The following ZDHHC14 variants were observed in gnomAD, a reference collection of about 807,000 sequenced individuals.
ZDHHC14 encodes palmitoyltransferase ZDHHC14.
ZDHHC14 carries 16 observed loss-of-function variants against 47.7 expected under a neutral mutation model. The observed-to-expected ratio is 0.34, with a 90% CI of 0.23 to 0.51. ZDHHC14 has a LOEUF of 0.51. Ranked by LOEUF, ZDHHC14 falls within the 20% of genes least tolerant of loss-of-function variation. The pLI, the probability that ZDHHC14 is intolerant of heterozygous loss-of-function variation, is 0.97. For synonymous variants in ZDHHC14, 293 were observed against 278.9 expected (o/e 1.05, Z -0.50); for missense variants, 515 against 662.5 (o/e 0.78, Z 2.44).
intron 2 of ZDHHC14, 136 bp downstream of exon 2, chr6:157,542,881 G>C (rs1781826481): frequency 1.8e-6 from 2 of 1,110,290 alleles, no homozygotes; most frequent in Admixed American, 5.6e-5. Flanking sequence ...GCGTTCCTTA[G>C]CTCGCTGGGT....
At chr6:157,413,902 C>T (rs1464847903) in intron 1 of ZDHHC14, among the ~76,000 whole-genome samples, 1 of 141,450 alleles carries the variant, frequency 7.1e-6, no homozygotes, top group Middle Eastern at 3.5e-3. Flanking sequence ...GCGCAGGTCA[C>T]CCAGCACATT....
chr6:157,381,873 A>T lies in ZDHHC14; in HGVS notation c.-149A>T, dbSNP rs1424407219. ...AGGGTTAACCTGGGTGTCCTCGGCA[A>T]AGTTGTCGCCGAGCCGGGAGCCCGT... On this transcript the variant is annotated 5_prime_UTR_variant, in exon 1 of 9. It introduces an in-frame stop codon into an upstream open reading frame of the 5' UTR. Coordinates refer to ENST00000359775, the MANE Select transcript of ZDHHC14 (RefSeq NM_024630.3). 1 of 621,986 alleles carries T rather than the reference A, an allele frequency of 1.6e-6. No homozygotes were observed. The highest frequency in any genetic ancestry group is 2.1e-5 in the African/African-American group (1 of 48,468). 38.5% of individuals were successfully genotyped at this position (621,986 alleles called of 1,614,324 possible). A position where few individuals can be genotyped will look rare whatever the true frequency, so the allele number is the denominator to read the frequency against.
intron 3 of ZDHHC14, among the ~76,000 whole-genome samples, chr6:157,594,075 C>T (rs112682440): frequency 2.2e-4 from 33 of 152,326 alleles, no homozygotes; most frequent in African/African-American, 7.5e-4. Context: ...CAGAACAAAC[C>T]TAGCTTCCCT....
chr6:157,568,359 A>T (rs1490310409), intron 2 of ZDHHC14, among the ~76,000 whole-genome samples: 2 of 152,182 alleles, frequency 1.3e-5, no homozygotes, highest in East Asian at 3.8e-4. Flanking sequence ...TAACATTTTT[A>T]TATATCCTTC....
At position 157,516,462 on chromosome 6, in the gene ZDHHC14, A is replaced by AT. The variant is rs1329907475; in HGVS notation, c.246-26122dup. ...CTGGCCCGTGCTCTGTGTGTCTGCC[A>AT]TGATGTCATTTGTGGACCTGGCCAG... is the stretch of plus-strand genomic sequence containing the variant. On this transcript the variant is annotated intron_variant, in intron 1 of 8. Coordinates refer to ENST00000359775, the MANE Select transcript of ZDHHC14 (RefSeq NM_024630.3). 2.0e-5 allele frequency among the ~76,000 whole-genome samples: 3 copies of AT among 152,302 alleles called. No individual in the cohort carries two copies. The East Asian group carries it at 5.8e-4, about 29-fold the overall frequency.
chr6:157,447,030 A>G (rs1056507343), intron 1 of ZDHHC14, among the ~76,000 whole-genome samples: 11 of 152,048 alleles, frequency 7.2e-5, no homozygotes, highest in Non-Finnish European at 1.0e-4. Context: ...GAGGCAGGAG[A>G]ATCGCTTGAA....
chr6:157,426,655 G>A (rs1778227277), intron 1 of ZDHHC14, among the ~76,000 whole-genome samples: 1 of 152,152 alleles, frequency 6.6e-6, no homozygotes. Context: ...GGGAGAAGGT[G>A]GAAGAGCCGA....
chr6:157,655,451 C>T (rs1015964149), intron 8 of ZDHHC14, among the ~76,000 whole-genome samples: 1 of 152,338 alleles, frequency 6.6e-6, no homozygotes, highest in East Asian at 1.9e-4. Context: ...TGCAAGCGCA[C>T]AGGCATTAAA....
At chr6:157,544,295 T>C (rs1781880207) in intron 2 of ZDHHC14, among the ~76,000 whole-genome samples, 1 of 152,238 alleles carries the variant, frequency 6.6e-6, no homozygotes, top group Non-Finnish European at 1.5e-5. Context: ...CATCTCCAGG[T>C]TAGTGCAGGT....
intron 1 of ZDHHC14, among the ~76,000 whole-genome samples, chr6:157,448,368 C>T (rs1042443664): frequency 1.3e-5 from 2 of 151,940 alleles, no homozygotes; most frequent in Non-Finnish European, 2.9e-5. Context: ...ATAAATGTGG[C>T]GGATATCTAT....
At chr6:157,446,690 A>G (rs1464546613) in intron 1 of ZDHHC14, among the ~76,000 whole-genome samples, 1 of 152,028 alleles carries the variant, frequency 6.6e-6, no homozygotes, top group Non-Finnish European at 1.5e-5. Flanking sequence ...GATTAGAGGC[A>G]TGAGCCACTG....
intron 1 of ZDHHC14, among the ~76,000 whole-genome samples, chr6:157,413,748 G>A (rs1483954217): frequency 6.6e-6 from 1 of 151,946 alleles, no homozygotes; most frequent in Non-Finnish European, 1.5e-5. Context: ...TCTACCCACA[G>A]CAACTTCTTT....
At chr6:157,609,719 G>A (rs1784680826) in intron 3 of ZDHHC14, among the ~76,000 whole-genome samples, 1 of 152,226 alleles carries the variant, frequency 6.6e-6, no homozygotes, top group South Asian at 2.1e-4. Flanking sequence ...CACTGAGCTT[G>A]CAGATGGTGG....
intron 1 of ZDHHC14, among the ~76,000 whole-genome samples, chr6:157,524,442 AT>A (rs969844331): frequency 7.9e-5 from 12 of 152,056 alleles, no homozygotes; most frequent in East Asian, 1.9e-4. Context: ...CATATTTGCA[AT>A]TTTTTTTAAT....
chr6:157,662,104 G>A (rs1778367130), intron 8 of ZDHHC14, among the ~76,000 whole-genome samples: 1 of 152,118 alleles, frequency 6.6e-6, no homozygotes, highest in African/African-American at 2.4e-5. Context: ...AATTAATAAA[G>A]ACAGAGAATT....
At chr6:157,540,910 G>GTGTGTATATATATATATATATATATA (rs1284429244) in intron 1 of ZDHHC14, among the ~76,000 whole-genome samples, 28 of 122,964 alleles carry the variant, frequency 2.3e-4, no homozygotes, top group African/African-American at 1.2e-3. Context: ...GTGTGTGTGT[G>GTGTGTATATATATATATATATATATA]TATATATATA....
At chr6:157,631,493 G>T (rs921418798) in intron 4 of ZDHHC14, 1 of 152,170 alleles carries the variant, frequency 6.6e-6, no homozygotes, top group African/African-American at 2.4e-5. Flanking sequence ...CTTCAGGAAG[G>T]GCACAGGGTT....
At chr6:157,420,997 T>A (rs548502554) in intron 1 of ZDHHC14, among the ~76,000 whole-genome samples, 1 of 152,354 alleles carries the variant, frequency 6.6e-6, no homozygotes, top group African/African-American at 2.4e-5. Context: ...GGTTTTCTGA[T>A]GCTTTGCAGC....
chr6:157,545,441 C>G (rs1781933152), intron 2 of ZDHHC14, among the ~76,000 whole-genome samples: 1 of 151,780 alleles, frequency 6.6e-6, no homozygotes, highest in Admixed American at 6.6e-5. Context: ...CTTTGGGAGG[C>G]CGAGGCAGGC....
Sources: gnomAD v4.1 joint callset for allele counts (sites outside exome capture counted in the v4.1 genomes callset) on GRCh38, gnomAD v4.1.1 for gene constraint, MANE v1.5 for transcripts, NCBI Gene and HGNC (gene_info 2026-07-23, HGNC 2026-07-21) for gene names.